The following HIVEP3 variants were observed in gnomAD, a reference collection of about 807,000 sequenced individuals.
HIVEP3 encodes the protein HIVEP zinc finger 3.
In HIVEP3, 49 loss-of-function variants were observed where a neutral mutation model predicts 152.8. That is an observed-to-expected ratio of 0.32 (90% CI 0.26 to 0.41). The LOEUF (loss-of-function observed/expected upper bound fraction) is 0.41, where lower values mean the gene tolerates loss of function less well. Among genes scored for constraint, HIVEP3 ranks in the 10% least tolerant of loss-of-function variants. The probability of loss-of-function intolerance (pLI) is 1.00; values close to 1 mark genes in which losing one functional copy is unlikely to be tolerated. For synonymous variants in HIVEP3, 1,269 were observed against 1,289.0 expected, an observed-to-expected ratio of 0.98 and a Z score of 0.33; for missense variants, 2,790 against 3,103.3, an observed-to-expected ratio of 0.90 and a Z score of 2.40.
intron 1 of HIVEP3, among the ~76,000 whole-genome samples, chr1:41,724,788 A>G (rs1292561885): frequency 1.3e-5 from 2 of 152,174 alleles, no homozygotes; most frequent in African/African-American, 4.8e-5. Context: ...GAGGCCATGA[A>G]CTCCAGCCCA....
intron 1 of HIVEP3, among the ~76,000 whole-genome samples, chr1:41,755,433 A>C (rs1038006393): frequency 2.0e-5 from 3 of 152,204 alleles, no homozygotes; most frequent in African/African-American, 7.2e-5. Flanking sequence ...CACAATCCAT[A>C]AAAGAAAAAA....
intron 1 of HIVEP3, among the ~76,000 whole-genome samples, chr1:42,000,477 T>C (rs1368373909): frequency 6.6e-6 from 1 of 152,050 alleles, no homozygotes; most frequent in African/African-American, 2.4e-5. Flanking sequence ...CCCACCAAGA[T>C]CACATGAAGT....
intron 2 of HIVEP3, among the ~76,000 whole-genome samples, chr1:41,642,834 C>T (rs956353309): frequency 1.3e-5 from 2 of 152,110 alleles, no homozygotes; most frequent in African/African-American, 4.8e-5. Context: ...TTGAGGGACC[C>T]GGCAGACTGG....
At chr1:41,860,365 G>A (rs1021579507) in intron 1 of HIVEP3, among the ~76,000 whole-genome samples, 3 of 152,156 alleles carry the variant, frequency 2.0e-5, no homozygotes, top group African/African-American at 7.2e-5. Flanking sequence ...AGACTCCTAA[G>A]GTGGGGCCAG....
In HIVEP3 at chr1:41,878,123, T is replaced by C. The variant is rs1394279501; in HGVS notation, c.-801+40290A>G. The stretch of plus-strand genomic sequence containing the variant: ...TATTTGTAAAATATACCAGGGTATC[T>C]TAGCAAGTTTCTTTGGAACCACGCA... On this transcript the variant is annotated intron_variant, in intron 1 of 8. Transcript: ENST00000372583. Among the ~76,000 whole-genome samples the C allele has an allele frequency of 4.6e-5, 7 of 152,350 alleles. No homozygotes were observed. The South Asian group carries it at 1.4e-3, about 32-fold the overall frequency.
chr1:41,601,054 A>G (rs1345178045), intron 3 of HIVEP3, among the ~76,000 whole-genome samples: 1 of 152,192 alleles, frequency 6.6e-6, no homozygotes, highest in East Asian at 1.9e-4. Context: ...CGTGTTGAAG[A>G]TCAGTCAGCA....
chr1:41,632,781 A>C (rs924601679), intron 2 of HIVEP3, among the ~76,000 whole-genome samples: 7 of 152,234 alleles, frequency 4.6e-5, no homozygotes, highest in Admixed American at 1.3e-4. Flanking sequence ...AATAAAAAAA[A>C]GATAAAAAGA....
At chr1:41,993,047 T>G (rs1645372986) in intron 1 of HIVEP3, among the ~76,000 whole-genome samples, 1 of 150,094 alleles carries the variant, frequency 6.7e-6, no homozygotes, top group Non-Finnish European at 1.5e-5. Flanking sequence ...ATAAAAACCC[T>G]AGAAGAAAAC....
chr1:41,532,084 A>T (rs1461182836), intron 5 of HIVEP3, among the ~76,000 whole-genome samples: 1 of 128,056 alleles, frequency 7.8e-6, no homozygotes, highest in African/African-American at 3.0e-5. Flanking sequence ...GACAGGAGAG[A>T]TGGAAGACGG....
chr1:41,965,651 G>A (rs1320417600), intron 1 of HIVEP3, among the ~76,000 whole-genome samples: 3 of 152,166 alleles, frequency 2.0e-5, no homozygotes, highest in Non-Finnish European at 2.9e-5. Context: ...CTATCTTGCT[G>A]AAGTAAGACA....
chr1:41,587,816 C>G (rs1035403545), intron 3 of HIVEP3, among the ~76,000 whole-genome samples: 2 of 152,162 alleles, frequency 1.3e-5, no homozygotes, highest in African/African-American at 4.8e-5. Context: ...CTGTCTCCCA[C>G]CTCAATTAAT....
In HIVEP3 at chr1:41,510,867, G is replaced by T; in HGVS notation, c.6805C>A (p.Leu2269Met). The T allele has an allele frequency of 6.2e-7, 1 of 1,613,378 alleles. No homozygotes were observed. Among genetic ancestry groups the T allele is most frequent in the Non-Finnish European group, 8.5e-7 (1 of 1,179,896 alleles). ...TCCTTGGGGTAGTCCCCGCCCTCCA[G>T]CTCTGAGGAGAGTGTGAATTTGGAG... ...KVSKFTLSSE[L>M]EGGDYPKERE... is the part of the protein sequence containing the mutation. Residue 2269 changes from leucine to methionine, a missense_variant, in exon 9 of 9, where the codon CTG becomes ATG. Leu to Met is a conservative substitution (Grantham distance 15). Transcript: ENST00000372583.
chr1:41,691,515 G>C (rs570614601), intron 2 of HIVEP3, among the ~76,000 whole-genome samples: 1 of 152,260 alleles, frequency 6.6e-6, no homozygotes, highest in East Asian at 1.9e-4. Flanking sequence ...CTTCATGAAC[G>C]GGATTAGTGC....
chr1:41,634,963 GA>G (rs1158813338), intron 2 of HIVEP3, among the ~76,000 whole-genome samples: 1 of 152,204 alleles, frequency 6.6e-6, no homozygotes, highest in African/African-American at 2.4e-5. Context: ...CAAAGGGTTT[GA>G]AGATGTAGTT....
At chr1:41,783,709 C>A (rs1230520792) in intron 1 of HIVEP3, among the ~76,000 whole-genome samples, 1 of 152,206 alleles carries the variant, frequency 6.6e-6, no homozygotes. Context: ...CTGGAGATGA[C>A]ATTCGTGGGT....
In HIVEP3 at chr1:41,558,088, C is replaced by T. The variant is rs1288280204; in HGVS notation, c.5207+17456G>A. Among the ~76,000 whole-genome samples the T allele has an allele frequency of 2.0e-5, 3 of 152,194 alleles. No individual in the cohort carries two copies. The East Asian group carries it at 5.8e-4, about 29-fold the overall frequency. On this transcript the variant is annotated intron_variant, in intron 5 of 8. Coordinates refer to ENST00000372583, the MANE Select transcript of HIVEP3 (RefSeq NM_024503.5). The stretch of plus-strand genomic sequence containing the variant: ...GAACTGGGCACTCTGGCAACTGAGG[C>T]ACCTATTTCTTTCCTGGGCCCCCAT...
At chr1:41,712,377 G>A (rs1646526536) in intron 1 of HIVEP3, among the ~76,000 whole-genome samples, 1 of 152,242 alleles carries the variant, frequency 6.6e-6, no homozygotes, top group Non-Finnish European at 1.5e-5. Context: ...CCTGGACGAA[G>A]GCCAGGCCCT....
chr1:42,005,604 G>C (rs149411612), intron 1 of HIVEP3, among the ~76,000 whole-genome samples: 1 of 152,280 alleles, frequency 6.6e-6, no homozygotes, highest in African/African-American at 2.4e-5. Context: ...CCCAGTGTTG[G>C]TTCCCATGCT....
At chr1:41,875,314 C>A (rs1264836920) in intron 1 of HIVEP3, among the ~76,000 whole-genome samples, 1 of 152,170 alleles carries the variant, frequency 6.6e-6, no homozygotes, top group Non-Finnish European at 1.5e-5. Context: ...TGCTAGGATA[C>A]ACACTGACTC....
Sources: allele counts gnomAD v4.1 joint callset (sites outside exome capture counted in the v4.1 genomes callset), GRCh38; gene constraint gnomAD v4.1.1; transcripts MANE v1.5; gene names NCBI Gene and HGNC (gene_info 2026-07-23, HGNC 2026-07-21).